WDR7: variants seen among roughly 807,000 people sequenced by gnomAD.
WDR7 encodes WD repeat-containing protein 7.
In WDR7, 46 loss-of-function variants were observed where a neutral mutation model predicts 169.4. That is an observed-to-expected ratio of 0.27 (90% confidence interval 0.21 to 0.35). WDR7 has a LOEUF of 0.35. Ranked by LOEUF, WDR7 falls within the 10% of genes least tolerant of loss-of-function variation. The pLI is 1.00. For synonymous variants in WDR7, 612 were observed against 666.8 expected, an observed-to-expected ratio of 0.92 and a Z score of 1.27; for missense variants, 1,534 against 1,859.3, an observed-to-expected ratio of 0.83 and a Z score of 3.22.
intron 25 of WDR7, among the ~76,000 whole-genome samples, chr18:56,949,789 G>A (rs1352090033): frequency 6.6e-6 from 1 of 152,164 alleles, no homozygotes; most frequent in East Asian, 1.9e-4. Flanking sequence ...CTGGTCTTCG[G>A]AGAATGTTGG....
intron 12 of WDR7, among the ~76,000 whole-genome samples, chr18:56,709,851 C>T (rs958588978): frequency 6.6e-6 from 1 of 151,840 alleles, no homozygotes; most frequent in African/African-American, 2.4e-5. Flanking sequence ...TAATATGTTA[C>T]TTGCTCTTTA....
At chr18:56,909,888 T>C (rs1330246127) in intron 21 of WDR7, among the ~76,000 whole-genome samples, 1 of 152,158 alleles carries the variant, frequency 6.6e-6, no homozygotes, top group South Asian at 2.1e-4. Context: ...ATTAAAACCA[T>C]ACACTAGCCA....
chr18:56,736,435 C>T (rs560989270), intron 14 of WDR7, among the ~76,000 whole-genome samples: 1 of 151,754 alleles, frequency 6.6e-6, no homozygotes, highest in Admixed American at 6.6e-5. Flanking sequence ...TAAGCCACAT[C>T]TTCGTATGAT....
chr18:56,691,366 G>T lies in WDR7; in HGVS notation c.863+5G>T, dbSNP rs780494364. On this transcript the variant is annotated splice_donor_5th_base_variant and intron_variant, in intron 8 of 27. Coordinates refer to ENST00000254442, the MANE Select transcript of WDR7 (RefSeq NM_015285.3). ...TATTTACAAACTACCTGCCAGGTAT[G>T]CAGCAAGTAATAAATTAGGACAGTC... 3 of 1,581,464 alleles carry T rather than the reference G, an allele frequency of 1.9e-6. No individual in the cohort carries two copies. The South Asian group carries it at 3.5e-5, about 19-fold the overall frequency.
rs139930553 is a variant in WDR7 at position 56,766,224 on chromosome 18, TTTGA to T, written c.2848+7275_2848+7278del. Among the ~76,000 whole-genome samples the T allele has an allele frequency of 1.9e-3, 289 of 152,288 alleles. 2 individuals carry two copies. In the East Asian group the frequency reaches 0.047, roughly 25 times the overall value. On this transcript the variant is annotated intron_variant, in intron 16 of 27. Transcript: ENST00000254442. ...TCCGTTTATCACTGGTTTTGAGCAGTTTGATTGTGTGGTTCTTCAGTGTAGTGTT... is the reference window on the plus strand; with the variant it reads ...TCCGTTTATCACTGGTTTTGAGCAGTTTGTGTGGTTCTTCAGTGTAGTGTT...
intron 1 of WDR7, among the ~76,000 whole-genome samples, chr18:56,659,294 T>C (rs559279): frequency 0.17 from 26,246 of 152,174 alleles, 2,841 homozygotes; most frequent in African/African-American, 0.3. Context: ...ATCCAAAACA[T>C]ATAAAATCGG....
intron 20 of WDR7, among the ~76,000 whole-genome samples, chr18:56,844,243 G>C (rs1252876565): frequency 6.6e-6 from 1 of 151,738 alleles, no homozygotes; most frequent in African/African-American, 2.4e-5. Flanking sequence ...ATTTTGATTT[G>C]AATTTCCCTA....
intron 20 of WDR7, among the ~76,000 whole-genome samples, chr18:56,834,152 A>G (rs2045359786): frequency 6.6e-6 from 1 of 152,172 alleles, no homozygotes; most frequent in African/African-American, 2.4e-5. Context: ...ATTTCCCTTC[A>G]TAACAGCTTG....
rs545977951 is a variant in WDR7, at chr18:57,020,622, CAAA to C, written c.4165-122_4165-120del. 7.2e-4 allele frequency: 614 copies of C among 856,926 alleles called. 2 individuals are homozygous for C. In the African/African-American group the frequency reaches 8.2e-3, roughly 11 times the overall value. 53.1% of individuals were successfully genotyped at this position (856,926 alleles called of 1,614,324 possible). On this transcript the variant is annotated intron_variant, in intron 26 of 27. Transcript: ENST00000254442. ...TATTTTTCTAAGCTGATTTTATAAA[CAAA>C]GAAGATAACAGCATCTAATACCCAT... is the stretch of plus-strand genomic sequence containing the variant.
intron 20 of WDR7, among the ~76,000 whole-genome samples, chr18:56,829,813 A>ATGTGAATG (rs917188427): frequency 6.6e-6 from 1 of 152,190 alleles, no homozygotes; most frequent in African/African-American, 2.4e-5. Context: ...TGAATGTGGT[A>ATGTGAATG]TGTGAATGTG....
At chr18:56,802,069 C>T (rs142507131) in intron 19 of WDR7, among the ~76,000 whole-genome samples, 51 of 152,238 alleles carry the variant, frequency 3.4e-4, no homozygotes, top group African/African-American at 1.2e-3. Flanking sequence ...GTTGTGCCTA[C>T]CAAGAAGGCG....
rs77228989 is a variant in WDR7 at position 56,716,754 on chromosome 18, G to T, written c.1579-1210G>T. On this transcript the variant is annotated intron_variant, in intron 12 of 27. Transcript: ENST00000254442. ...GGTCAAACAACTTTGGAGATGAATG[G>T]TGTTGTATCCCCTTAAAGAGATAAT... 6.6e-3 allele frequency among the ~76,000 whole-genome samples: 1,003 copies of T among 152,292 alleles called. 8 individuals carry two copies. The highest frequency in any genetic ancestry group is 0.011 in the Non-Finnish European group (724 of 68,016).
At chr18:56,838,534 A>T (rs2045430836) in intron 20 of WDR7, among the ~76,000 whole-genome samples, 1 of 152,222 alleles carries the variant, frequency 6.6e-6, no homozygotes, top group African/African-American at 2.4e-5. Flanking sequence ...TGATCCTGGG[A>T]CACCCAAGAA....
chr18:56,739,758 T>G (rs943361748), intron 14 of WDR7, among the ~76,000 whole-genome samples: 9 of 151,046 alleles, frequency 6.0e-5, no homozygotes, highest in Admixed American at 4.6e-4. Flanking sequence ...CATCTTTTTT[T>G]GGGGGGGGGA....
At position 56,714,053 on chromosome 18, in the gene WDR7, T is replaced by C. The variant is rs76623339; in HGVS notation, c.1579-3911T>C. Among the ~76,000 whole-genome samples, 410 of 152,326 alleles carry C rather than the reference T, an allele frequency of 2.7e-3. 3 individuals are homozygous for C. In the East Asian group the frequency reaches 0.036, roughly 13 times the overall value. ...ATAAGCTAGACATTTGCTTTGTTTA[T>C]ACCATTAATTTGTTTTCACACAGGC... is the stretch of plus-strand genomic sequence containing the variant. On this transcript the variant is annotated intron_variant, in intron 12 of 27. Coordinates refer to ENST00000254442, the MANE Select transcript of WDR7 (RefSeq NM_015285.3).
chr18:56,887,468 G>A (rs1599131003), intron 21 of WDR7, among the ~76,000 whole-genome samples: 1 of 152,156 alleles, frequency 6.6e-6, no homozygotes, highest in Admixed American at 6.5e-5. Context: ...ATTTATGAGC[G>A]ATTTTGGGAA....
At chr18:56,999,594 G>T (rs1342491643) in intron 26 of WDR7, among the ~76,000 whole-genome samples, 3 of 152,102 alleles carry the variant, frequency 2.0e-5, no homozygotes, top group Admixed American at 6.6e-5. Context: ...TAGAAAAAAG[G>T]GTGGTGGGCA....
At chr18:57,024,217 A>C (rs903305608) in intron 27 of WDR7, among the ~76,000 whole-genome samples, 1 of 152,154 alleles carries the variant, frequency 6.6e-6, no homozygotes, top group Non-Finnish European at 1.5e-5. Context: ...GAAAAAGTGA[A>C]TGTTACCAAA....
intron 20 of WDR7, among the ~76,000 whole-genome samples, chr18:56,846,483 A>AT (rs1411153999): frequency 6.6e-6 from 1 of 152,114 alleles, no homozygotes; most frequent in African/African-American, 2.4e-5. Flanking sequence ...TGCTGCCACC[A>AT]TGTAAAAAGT....
Sources: gnomAD v4.1 joint callset for allele counts (sites outside exome capture counted in the v4.1 genomes callset) on GRCh38, gnomAD v4.1.1 for gene constraint, MANE v1.5 for transcripts, NCBI Gene and HGNC (gene_info 2026-07-23, HGNC 2026-07-21) for gene names.